The following ENOX1 variants were observed in gnomAD, a reference collection of about 807,000 sequenced individuals.
The protein encoded by ENOX1 is candidate growth-related and time keeping constitutive hydroquinone (NADH) oxidase.
In ENOX1, 42 loss-of-function variants were observed where a neutral mutation model predicts 82.5. That is an observed-to-expected ratio of 0.51 (90% CI 0.40 to 0.66). The LOEUF is 0.66. ENOX1 is among the 30% of genes least tolerant of loss of function. The pLI, the probability that ENOX1 is intolerant of heterozygous loss-of-function variation, is 0.00. For missense variants in ENOX1, 608 were observed against 811.6 expected (o/e 0.75, Z 3.05); for synonymous variants, 271 against 282.2 (o/e 0.96, Z 0.40).
chr13:43,660,351 T>C (rs370708603), intron 2 of ENOX1, among the ~76,000 whole-genome samples: 86 of 152,324 alleles, frequency 5.6e-4, no homozygotes, highest in African/African-American at 2.0e-3. Flanking sequence ...GGTCAGGAAC[T>C]AACACATGTA....
intron 1 of ENOX1, among the ~76,000 whole-genome samples, chr13:43,670,384 G>A (rs75611807): frequency 7.4e-4 from 113 of 152,118 alleles, no homozygotes; most frequent in South Asian, 7.3e-3. Context: ...AACTATGAAC[G>A]AAACTTTGTA....
intron 9 of ENOX1, among the ~76,000 whole-genome samples, chr13:43,337,972 G>A (rs904749464): frequency 5.9e-5 from 9 of 152,094 alleles, no homozygotes; most frequent in Non-Finnish European, 1.0e-4. Context: ...TATATGTATG[G>A]CACATATTCT....
intron 12 of ENOX1, among the ~76,000 whole-genome samples, chr13:43,286,519 AAGC>A (rs2045710151): frequency 6.6e-6 from 1 of 152,128 alleles, no homozygotes; most frequent in South Asian, 2.1e-4. Flanking sequence ...AAGCAGCAAA[AAGC>A]AGAAGTCAAA....
intron 14 of ENOX1, among the ~76,000 whole-genome samples, chr13:43,258,865 G>A (rs1286513991): frequency 6.6e-6 from 1 of 152,160 alleles, no homozygotes; most frequent in East Asian, 1.9e-4. Flanking sequence ...ATTACTTCAA[G>A]CTCATCATTC....
chr13:43,550,173 C>T (rs1029159027), intron 2 of ENOX1, among the ~76,000 whole-genome samples: 1 of 152,168 alleles, frequency 6.6e-6, no homozygotes, highest in African/African-American at 2.4e-5. Context: ...CCTCTCACCT[C>T]CTGCTGTGCA....
chr13:43,442,739 C>T (rs1277430259), intron 3 of ENOX1, among the ~76,000 whole-genome samples: 1 of 152,152 alleles, frequency 6.6e-6, no homozygotes, highest in Non-Finnish European at 1.5e-5. Context: ...CACATCAGCC[C>T]TCAGTTCTTC....
intron 2 of ENOX1, among the ~76,000 whole-genome samples, chr13:43,603,036 GATA>G (rs1433394807): frequency 1.3e-5 from 2 of 152,066 alleles, no homozygotes; most frequent in Non-Finnish European, 2.9e-5. Flanking sequence ...CAGACATAAG[GATA>G]ATAATATTAC....
intron 3 of ENOX1, among the ~76,000 whole-genome samples, chr13:43,455,438 T>C (rs2057179981): frequency 6.6e-6 from 1 of 152,178 alleles, no homozygotes; most frequent in South Asian, 2.1e-4. Flanking sequence ...ACCCATCATT[T>C]TGGGCACTTT....
At chr13:43,726,334 A>T (rs949415289) in intron 1 of ENOX1, among the ~76,000 whole-genome samples, 1 of 150,644 alleles carries the variant, frequency 6.6e-6, no homozygotes, top group Non-Finnish European at 1.5e-5. Flanking sequence ...CTCCTGTCTC[A>T]GCCTCCTGAG....
At chr13:43,407,784 G>A (rs1378164455) in intron 5 of ENOX1, among the ~76,000 whole-genome samples, 1 of 151,726 alleles carries the variant, frequency 6.6e-6, no homozygotes, top group Non-Finnish European at 1.5e-5. Flanking sequence ...TTACAACAGT[G>A]GAACACGAAT....
chr13:43,602,627 T>C (rs560254440), intron 2 of ENOX1, among the ~76,000 whole-genome samples: 1 of 152,084 alleles, frequency 6.6e-6, no homozygotes, highest in African/African-American at 2.4e-5. Flanking sequence ...AATCCACAAT[T>C]TGACAATAAA....
intron 1 of ENOX1, among the ~76,000 whole-genome samples, chr13:43,697,591 G>A (rs1306408608): frequency 6.6e-6 from 1 of 152,196 alleles, no homozygotes; most frequent in Non-Finnish European, 1.5e-5. Flanking sequence ...TATCAGGACA[G>A]ATCACCTGCC....
chr13:43,454,381 G>A (rs2057122008), intron 3 of ENOX1, among the ~76,000 whole-genome samples: 1 of 151,978 alleles, frequency 6.6e-6, no homozygotes, highest in African/African-American at 2.4e-5. Context: ...GTCTTGTCCA[G>A]CGCAGGAAAA....
At chr13:43,326,857 G>C (rs1478194556) in intron 9 of ENOX1, among the ~76,000 whole-genome samples, 1 of 152,196 alleles carries the variant, frequency 6.6e-6, no homozygotes, top group Admixed American at 6.5e-5. Context: ...AGACACTGGT[G>C]TTGGCATCCA....
intron 3 of ENOX1, among the ~76,000 whole-genome samples, chr13:43,466,016 C>T (rs2057702566): frequency 6.6e-6 from 1 of 152,116 alleles, no homozygotes. Context: ...TCATGTTTCT[C>T]CTAGGCACCC....
intron 3 of ENOX1, among the ~76,000 whole-genome samples, chr13:43,478,347 G>A (rs1435586690): frequency 6.6e-6 from 1 of 151,968 alleles, no homozygotes; most frequent in Non-Finnish European, 1.5e-5. Flanking sequence ...AGAGGAACGT[G>A]TTCTCATAAA....
intron 11 of ENOX1, among the ~76,000 whole-genome samples, chr13:43,310,559 G>C (rs1293638091): frequency 6.6e-6 from 1 of 152,122 alleles, no homozygotes; most frequent in Non-Finnish European, 1.5e-5. Flanking sequence ...TTCATCTAAA[G>C]TGCTTTGTTA....
intron 5 of ENOX1, among the ~76,000 whole-genome samples, chr13:43,369,691 C>T (rs772487690): frequency 1.3e-5 from 2 of 152,360 alleles, no homozygotes; most frequent in South Asian, 2.1e-4. Context: ...TAGTTCTCCT[C>T]CTGTCTTGAA....
intron 3 of ENOX1, among the ~76,000 whole-genome samples, chr13:43,473,265 C>T (rs2058145345): frequency 6.6e-6 from 1 of 152,084 alleles, no homozygotes; most frequent in Non-Finnish European, 1.5e-5. Context: ...GAAACTATGA[C>T]TAATGGATTT....
Sources: allele counts gnomAD v4.1 joint callset (sites outside exome capture counted in the v4.1 genomes callset), GRCh38; gene constraint gnomAD v4.1.1; transcripts MANE v1.5; gene names NCBI Gene and HGNC (gene_info 2026-07-23, HGNC 2026-07-21).